The following NLRP2 variants were observed in gnomAD, a reference collection of about 807,000 sequenced individuals.
The protein encoded by NLRP2 is NACHT, LRR and PYD domains-containing protein 2.
Under a neutral mutation model 97.2 loss-of-function variants are expected in NLRP2, and 107 were observed. The observed-to-expected ratio is 1.10, with a 90% CI of 0.94 to 1.29. The LOEUF is 1.29. Among genes scored for constraint, NLRP2 ranks in the 50% most tolerant of loss-of-function variants. The pLI, the probability that NLRP2 is intolerant of heterozygous loss-of-function variation, is 0.00. For missense variants in NLRP2, 1,495 were observed against 1,330.3 expected (o/e 1.12, Z -1.93); for synonymous variants, 663 against 551.5 (o/e 1.20, Z -2.83).
intron 3 of NLRP2, 79 bp downstream of exon 3, chr19:54,974,623 G>C (rs2071080995): frequency 2.8e-5 from 29 of 1,026,680 alleles, no homozygotes; most frequent in South Asian, 1.7e-4. Context: ...AGAATGTGCT[G>C]AGCACTAAGA....
chr19:54,967,333 T>C (rs1568457238), intron 1 of NLRP2, among the ~76,000 whole-genome samples: 1 of 151,870 alleles, frequency 6.6e-6, no homozygotes, highest in Non-Finnish European at 1.5e-5. Flanking sequence ...AAATATAAAA[T>C]TAGGTGGGCG....
chr19:54,972,413 C>T (rs1410682635), intron 2 of NLRP2, among the ~76,000 whole-genome samples: 1 of 151,218 alleles, frequency 6.6e-6, no homozygotes, highest in Non-Finnish European at 1.5e-5. Context: ...GAACTCCTGA[C>T]CACGTGATCA....
intron 10 of NLRP2, 181 bp downstream of exon 10, chr19:54,990,853 T>G: frequency 3.0e-6 from 2 of 671,220 alleles, no homozygotes; most frequent in Non-Finnish European, 2.7e-6. Flanking sequence ...AGTAGTAGAG[T>G]AGTAGTAATA....
intron 1 of NLRP2, among the ~76,000 whole-genome samples, chr19:54,966,825 C>CTTTTTTTTTTTTTTT (rs1044701142): frequency 1.2e-4 from 9 of 74,988 alleles, no homozygotes; most frequent in Non-Finnish European, 1.9e-4. Context: ...CGCGCCCAGC[C>CTTTTTTTTTTTTTTT]TTTTTTTTTT....
intron 3 of NLRP2, among the ~76,000 whole-genome samples, chr19:54,976,067 T>G (rs1036145768): frequency 1.4e-5 from 2 of 146,270 alleles, no homozygotes; most frequent in South Asian, 2.2e-4. Context: ...TTTTTTTTTT[T>G]GGACAAAGTC....
intron 7 of NLRP2, 55 bp downstream of exon 7, chr19:54,985,272 T>A: frequency 6.5e-7 from 1 of 1,528,076 alleles, no homozygotes; most frequent in South Asian, 1.1e-5. Flanking sequence ...AATGGTACAA[T>A]GTTAACATCG....
At chr19:54,985,817 G>A (rs932851183) in intron 7 of NLRP2, among the ~76,000 whole-genome samples, 2 of 152,100 alleles carry the variant, frequency 1.3e-5, no homozygotes, top group Non-Finnish European at 2.9e-5. Context: ...CCAAGATGGT[G>A]CAAGACCCTG....
intron 2 of NLRP2, 38 bp from the exon 3 acceptor site, chr19:54,974,461 TG>T: frequency 1.3e-6 from 2 of 1,537,284 alleles, no homozygotes; most frequent in Non-Finnish European, 1.8e-6. Context: ...CTTGAGCTTA[TG>T]GTAAAATGCA....
intron 8 of NLRP2, among the ~76,000 whole-genome samples, chr19:54,988,700 A>G (rs1169687504): frequency 1.3e-5 from 2 of 152,102 alleles, no homozygotes; most frequent in African/African-American, 4.8e-5. Flanking sequence ...TTGTATTTTT[A>G]GGAGAAATGG....
At position 54,988,612 on chromosome 19, in the gene NLRP2, C is replaced by T. The variant is rs148864699; in HGVS notation, c.2367-1410C>T. Among the ~76,000 whole-genome samples, 88 of 152,172 alleles carry T rather than the reference C, an allele frequency of 5.8e-4. 2 individuals are homozygous for T. The East Asian group carries it at 0.016, about 27-fold the overall frequency. The stretch of plus-strand genomic sequence containing the variant: ...TTCACCGTGTTGGCTGGGCTGGTCT[C>T]GAACTCCTGACCTCAAGTGACATCC... On this transcript the variant is annotated intron_variant, in intron 8 of 12. Transcript: ENST00000448584.
Position 54,977,787 on chromosome 19 carries a change from G to A in NLRP2, c.361G>A (p.Asp121Asn), listed in dbSNP as rs201293188. Residue 121 changes from aspartate to asparagine, a missense_variant, in exon 4 of 13, where the codon GAC (aspartate) becomes AAC (asparagine). Physicochemically the swap from Asp to Asn is conservative, Grantham distance 23. Coordinates refer to ENST00000448584, the MANE Select transcript of NLRP2 (RefSeq NM_017852.5). ...TRKERPPLDV[D>N]EMLERFKTEA... Reference sequence around the variant, plus strand: ...GAAAGAACGACCACCTCTAGACGTGGACGAAATGCTGGAGCGCTTCAAAAC... The same window carrying A: ...GAAAGAACGACCACCTCTAGACGTGAACGAAATGCTGGAGCGCTTCAAAAC... The A allele has an allele frequency of 4.8e-5, 77 of 1,613,698 alleles. No individual in the cohort carries two copies. The highest frequency in any genetic ancestry group is 1.6e-4 in the Middle Eastern group (1 of 6,084).
intron 8 of NLRP2, chr19:54,989,786 C>T (rs2072334380): frequency 1.7e-6 from 1 of 582,212 alleles, no homozygotes; most frequent in African/African-American, 1.9e-5. Flanking sequence ...GAGTTTGAGA[C>T]CAGCCTGACC....
intron 2 of NLRP2, among the ~76,000 whole-genome samples, chr19:54,971,389 A>C (rs563675572): frequency 2.2e-4 from 34 of 152,278 alleles, no homozygotes; most frequent in Admixed American, 7.9e-4. Flanking sequence ...TCCCTGAGGA[A>C]TCCCCACACC....
intron 1 of NLRP2, among the ~76,000 whole-genome samples, chr19:54,966,952 A>T (rs2070481017): frequency 6.8e-6 from 1 of 147,264 alleles, no homozygotes; most frequent in Non-Finnish European, 1.5e-5. Flanking sequence ...AGCAGTCCTC[A>T]CGCCTCAGCC....
chr19:54,997,331 C>G lies in NLRP2; in HGVS notation c.2894C>G (p.Ser965Cys). Residue 965 changes from serine to cysteine, a missense_variant, in exon 12 of 13, where the codon TCC becomes TGC. Coordinates refer to ENST00000448584, the MANE Select transcript of NLRP2 (RefSeq NM_017852.5). ...TGTTTCCCCAGGTTGTGGGGATGTTCCATCCCTCCGTTCAGTTGTGAAGAC... is the reference window on the plus strand; with the variant it reads ...TGTTTCCCCAGGTTGTGGGGATGTTGCATCCCTCCGTTCAGTTGTGAAGAC... Reference protein sequence around the residue: ...NLRCLWLWGCSIPPFSCEDLC... With the variant: ...NLRCLWLWGCCIPPFSCEDLC... The G allele has an allele frequency of 1.1e-5, 17 of 1,613,574 alleles. No homozygotes were observed. Among genetic ancestry groups the G allele is most frequent in the Non-Finnish European group, 1.4e-5 (16 of 1,179,892 alleles).
chr19:54,976,810 C>CTTTTTTTTTTTTTTT lies in NLRP2; in HGVS notation c.326-941_326-940insTTTTTTTTTTTTTTT, dbSNP rs749684265. Reference sequence around the variant, plus strand: ...TTATTAGGATTCCACCTTGTTCTCTCTCTTTTTTTTTTTTTTTTTGATACG... The same window carrying CTTTTTTTTTTTTTTT: ...TTATTAGGATTCCACCTTGTTCTCTCTTTTTTTTTTTTTTTTCTTTTTTTTTTTTTTTTTGATACG... On this transcript the variant is annotated intron_variant, in intron 3 of 12. Coordinates refer to ENST00000448584, the MANE Select transcript of NLRP2 (RefSeq NM_017852.5). 3.1e-3 allele frequency: 977 copies of CTTTTTTTTTTTTTTT among 319,714 alleles called. 163 individuals are homozygous for CTTTTTTTTTTTTTTT. The highest frequency in any genetic ancestry group is 3.2e-3 in the Non-Finnish European group (571 of 177,454). The allele number at this position is 319,714 out of a possible 1,614,324, so 19.8% of individuals were successfully genotyped here.
intron 2 of NLRP2, chr19:54,973,783 AT>A: frequency 1.8e-6 from 1 of 565,704 alleles, no homozygotes; most frequent in Non-Finnish European, 3.4e-6. Context: ...AAAGATACAA[AT>A]TTTCTTTCCA....
chr19:54,972,356 G>A (rs970697235), intron 2 of NLRP2, among the ~76,000 whole-genome samples: 6 of 150,126 alleles, frequency 4.0e-5, no homozygotes, highest in African/African-American at 1.5e-4. Context: ...GCTAAATTTT[G>A]TATTTTAATA....
At chr19:54,980,556 A>C (rs2071509341) in intron 4 of NLRP2, among the ~76,000 whole-genome samples, 2 of 152,244 alleles carry the variant, frequency 1.3e-5, no homozygotes, top group African/African-American at 4.8e-5. Context: ...TGGAGAAAGT[A>C]GGAAAAGACA....
Sources: gnomAD v4.1 joint callset for allele counts (sites outside exome capture counted in the v4.1 genomes callset) on GRCh38, gnomAD v4.1.1 for gene constraint, MANE v1.5 for transcripts, NCBI Gene and HGNC (gene_info 2026-07-23, HGNC 2026-07-21) for gene names.